NUP155: variants seen among roughly 807,000 people sequenced by gnomAD.
The protein encoded by NUP155 is nucleoporin 155.
A neutral mutation model predicts 180.4 loss-of-function variants in NUP155; 71 were observed. That is an observed-to-expected ratio of 0.39 (90% confidence interval 0.33 to 0.48). NUP155 has a LOEUF of 0.48. NUP155 is among the 20% of genes least tolerant of loss of function. The pLI, the probability that NUP155 is intolerant of heterozygous loss-of-function variation, is 0.91. For synonymous variants in NUP155, 582 were observed against 559.5 expected, an observed-to-expected ratio of 1.04 and a Z score of -0.57; for missense variants, 1,553 against 1,648.9, an observed-to-expected ratio of 0.94 and a Z score of 1.01.
chr5:37,331,870 T>C, intron 13 of NUP155, 75 bp from the exon 14 acceptor site: 1 of 900,566 alleles, frequency 1.1e-6, no homozygotes, highest in South Asian at 1.3e-5. Context: ...CTACCTTATT[T>C]GATAAAATAA....
At chr5:37,333,423 C>A (rs150619) in intron 13 of NUP155, 40 bp downstream of exon 13, 4 of 1,545,232 alleles carry the variant, frequency 2.6e-6, no homozygotes, top group South Asian at 1.1e-5. Flanking sequence ...TATTATACAT[C>A]GCTTATTTTT....
intron 11 of NUP155, among the ~76,000 whole-genome samples, chr5:37,339,976 G>A (rs951170955): frequency 2.0e-5 from 3 of 152,228 alleles, no homozygotes; most frequent in African/African-American, 7.2e-5. Context: ...TGGCCAGGCT[G>A]GTCTTGAACT....
chr5:37,304,174 C>T (rs1306278073), intron 27 of NUP155, among the ~76,000 whole-genome samples: 4 of 141,252 alleles, frequency 2.8e-5, no homozygotes, highest in Admixed American at 7.8e-5. Flanking sequence ...TGCTGGAACC[C>T]GGGAGGCGGA....
At chr5:37,350,022 G>C in intron 7 of NUP155, 138 bp downstream of exon 7, 1 of 702,990 alleles carries the variant, frequency 1.4e-6, no homozygotes, top group Non-Finnish European at 2.6e-6. Context: ...CCCTTTAAAA[G>C]ACCTTATGAA....
chr5:37,310,901 A>C (rs1743486111), intron 22 of NUP155, among the ~76,000 whole-genome samples, 158 bp from the exon 23 acceptor site: 1 of 152,180 alleles, frequency 6.6e-6, no homozygotes, highest in Non-Finnish European at 1.5e-5. Context: ...TTGCGAACTT[A>C]CATAAAATCA....
intron 3 of NUP155, among the ~76,000 whole-genome samples, chr5:37,360,279 C>T (rs960205400): frequency 5.3e-5 from 8 of 151,198 alleles, no homozygotes; most frequent in African/African-American, 7.3e-5. Context: ...GTCAGGAGAT[C>T]GAGACCGTCC....
At chr5:37,329,162 C>T in intron 16 of NUP155, 28 bp downstream of exon 16, 1 of 1,534,294 alleles carries the variant, frequency 6.5e-7, no homozygotes, top group Non-Finnish European at 9.0e-7. Flanking sequence ...CGATTAGAAA[C>T]AATTTCATTT....
rs111523309 is a variant in NUP155 at position 37,364,031 on chromosome 5, CTTT to C, written c.296-50_296-48del. 4,100 of 1,412,188 alleles carry C rather than the reference CTTT, an allele frequency of 2.9e-3. 100 individuals are homozygous for C. The African/African-American group carries it at 0.048, about 17-fold the overall frequency. 87.5% of individuals were successfully genotyped at this position (1,412,188 alleles called of 1,614,324 possible). ...GCAGACAGAGGTGAATCTTATTCTT[CTTT>C]AACTTGTTTCAATAGCTTTTGACTT... On this transcript the variant is annotated intron_variant, in intron 2 of 34. Coordinates refer to ENST00000231498, the MANE Select transcript of NUP155 (RefSeq NM_153485.3).
At chr5:37,309,373 C>T in intron 23 of NUP155, 106 bp from the exon 24 acceptor site, 1 of 757,984 alleles carries the variant, frequency 1.3e-6, no homozygotes. Context: ...TGGTTATTAC[C>T]ATTAAAATGA....
intron 1 of NUP155, among the ~76,000 whole-genome samples, chr5:37,365,345 A>G (rs529328142): frequency 5.5e-4 from 83 of 152,212 alleles, no homozygotes; most frequent in African/African-American, 1.9e-3. Flanking sequence ...GAGAGGATAG[A>G]TACCCCATTT....
intron 18 of NUP155, among the ~76,000 whole-genome samples, chr5:37,326,664 A>G (rs2150962950): frequency 1.3e-5 from 2 of 152,274 alleles, no homozygotes; most frequent in Middle Eastern, 6.8e-3. Context: ...GCCATTCTAG[A>G]CCAGCTGGAA....
intron 1 of NUP155, among the ~76,000 whole-genome samples, chr5:37,367,420 G>A (rs774635884): frequency 3.3e-5 from 5 of 151,730 alleles, no homozygotes; most frequent in African/African-American, 7.3e-5. Flanking sequence ...TCGCCATGAT[G>A]GCCAGGCTAG....
In NUP155 at chr5:37,298,947, C is replaced by T. The variant is rs16903575; in HGVS notation, c.3714G>A (p.Ser1238=). The T allele has an allele frequency of 5.1e-3, 8,237 of 1,612,238 alleles. 336 individuals carry two copies. In the African/African-American group the frequency reaches 0.096, roughly 19 times the overall value. The change falls in exon 32 of 35, where the codon TCG becomes TCA. Residue 1238 remains serine, a synonymous_variant. Coordinates refer to ENST00000231498, the MANE Select transcript of NUP155 (RefSeq NM_153485.3). ...ELSDSVTLSS[S]DRMHALSLKI... ...TGAGACTAAGAGCATGCATTCTATC[C>T]GAGGAGCTCAATGTCACACTGTCAC...
intron 3 of NUP155, among the ~76,000 whole-genome samples, chr5:37,363,232 T>C (rs557534845): frequency 8.5e-5 from 13 of 152,182 alleles, no homozygotes; most frequent in Non-Finnish European, 1.9e-4. Context: ...GTCTTTTTAA[T>C]GCACGTGTGT....
chr5:37,306,024 A>G (rs1434454260), intron 25 of NUP155, among the ~76,000 whole-genome samples: 1 of 152,228 alleles, frequency 6.6e-6, no homozygotes, highest in Non-Finnish European at 1.5e-5. Flanking sequence ...TACAAACCAT[A>G]TACTTTTTCA....
At chr5:37,357,390 C>T (rs1746896342) in intron 4 of NUP155, among the ~76,000 whole-genome samples, 1 of 89,168 alleles carries the variant, frequency 1.1e-5, no homozygotes, top group African/African-American at 4.6e-5. Context: ...GAGTATAAGA[C>T]CTTAATCTCA....
At chr5:37,299,626 T>C (rs1742759140) in intron 30 of NUP155, 58 bp from the exon 31 acceptor site, 7 of 1,536,410 alleles carry the variant, frequency 4.6e-6, no homozygotes, top group African/African-American at 1.4e-5. Context: ...CAGAGATTAA[T>C]AGTGAAGCAC....
At chr5:37,337,578 T>C (rs774836660) in intron 12 of NUP155, among the ~76,000 whole-genome samples, 1 of 152,192 alleles carries the variant, frequency 6.6e-6, no homozygotes, top group African/African-American at 2.4e-5. Context: ...TAGTACATTA[T>C]GGAAAATATT....
intron 1 of NUP155, among the ~76,000 whole-genome samples, chr5:37,366,595 C>A (rs895986733): frequency 2.6e-5 from 4 of 151,906 alleles, no homozygotes; most frequent in Non-Finnish European, 5.9e-5. Flanking sequence ...TGAGCCACCA[C>A]GCCCAGCTAA....
Sources: allele counts gnomAD v4.1 joint callset (sites outside exome capture counted in the v4.1 genomes callset), GRCh38; gene constraint gnomAD v4.1.1; transcripts MANE v1.5; gene names NCBI Gene and HGNC (gene_info 2026-07-23, HGNC 2026-07-21).